Variants in PSORS1C1 observed in about 807,000 individuals in gnomAD.
PSORS1C1 encodes the protein psoriasis susceptibility 1 candidate 1, also known as psoriasis susceptibility 1 candidate gene 1 protein.
In PSORS1C1, 7 loss-of-function variants were observed where a neutral mutation model predicts 9.4. The ratio of observed to expected loss-of-function variants is 0.75; its 90% confidence interval spans 0.42 to 1.40. PSORS1C1 has a LOEUF of 1.40. PSORS1C1 is among the 40% of genes most tolerant of loss of function. PSORS1C1 has a pLI of 0.01. For missense variants in PSORS1C1, 146 were observed against 178.1 expected (o/e 0.82, Z 1.02); for synonymous variants, 63 against 69.4 (o/e 0.91, Z 0.46).
chr6:31,116,621 C>T (rs1772142909), intron 1 of PSORS1C1: 2 of 1,613,256 alleles, frequency 1.2e-6, no homozygotes, highest in African/African-American at 1.3e-5. Flanking sequence ...CCTGGAGAGC[C>T]TTTCACAGGG....
In PSORS1C1 at chr6:31,120,303, C is replaced by T. The variant is rs779194803; in HGVS notation, c.-228-5373C>T. 1.6e-5 allele frequency: 24 copies of T among 1,513,496 alleles called. No individual in the cohort carries two copies. In the Admixed American group the frequency reaches 2.3e-4, roughly 15 times the overall value. 93.8% of individuals were successfully genotyped at this position (1,513,496 alleles called of 1,614,324 possible). On this transcript the variant is annotated intron_variant, in intron 1 of 5. Coordinates refer to ENST00000259881, the MANE Select transcript of PSORS1C1 (RefSeq NM_014068.3). The stretch of plus-strand genomic sequence containing the variant: ...CTCTCCCGGAGTCTCCCTCCCGCCT[C>T]CCTCCTGTTCCCAGGGCCCCCAGCC...
Position 31,116,532 on chromosome 6 carries a change from C to T in PSORS1C1, c.-229+1641C>T, listed in dbSNP as rs148976838. 8.7e-6 allele frequency: 14 copies of T among 1,613,472 alleles called. No homozygotes were observed. Among genetic ancestry groups the T allele is most frequent in the African/African-American group, 8.0e-5 (6 of 74,906 alleles). ...GGAATGCAATGGCCGAGGAAGCTGCCGACTGGCTGGGGATGATGGGGTTGC... is the reference window on the plus strand; with the variant it reads ...GGAATGCAATGGCCGAGGAAGCTGCTGACTGGCTGGGGATGATGGGGTTGC... On this transcript the variant is annotated intron_variant, in intron 1 of 5. Transcript: ENST00000259881.
chr6:31,123,281 T>C (rs2150964204), intron 1 of PSORS1C1, among the ~76,000 whole-genome samples: 1 of 152,356 alleles, frequency 6.6e-6, no homozygotes, highest in East Asian at 1.9e-4. Context: ...TGTGGGCCCT[T>C]GAGCTCTAAT....
At chr6:31,124,721 G>A (rs1008085246) in intron 1 of PSORS1C1, among the ~76,000 whole-genome samples, 1 of 152,216 alleles carries the variant, frequency 6.6e-6, no homozygotes, top group Non-Finnish European at 1.5e-5. Context: ...TGTAATCCCA[G>A]CACTCTGGGA....
intron 3 of PSORS1C1, chr6:31,138,000 C>T: frequency 6.6e-7 from 1 of 1,516,250 alleles, no homozygotes; most frequent in Non-Finnish European, 8.8e-7. Flanking sequence ...CTCCTGAGGT[C>T]GGTTGTCCAC....
rs143941235 is a variant in PSORS1C1, at chr6:31,122,973, C to G, written c.-228-2703C>G. Among the ~76,000 whole-genome samples, 1,102 of 152,214 alleles carry G rather than the reference C, an allele frequency of 7.2e-3. 14 individuals are homozygous for G. The highest frequency in any genetic ancestry group is 0.023 in the African/African-American group (955 of 41,512). On this transcript the variant is annotated intron_variant, in intron 1 of 5. Coordinates refer to ENST00000259881, the MANE Select transcript of PSORS1C1 (RefSeq NM_014068.3). ...CCCAGGGTGTGAGGGGAGAAGGCAG[C>G]GGAACAGTGGAATCTGTGGCTTCTT...
chr6:31,138,745 C>G lies in PSORS1C1; in HGVS notation c.133C>G (p.Arg45Gly), dbSNP rs771195202. ...TCGTCCCCCCCACGTTAATCCTGAC[C>G]GACTTTGCCACATGGAGCCAGCAAA... is the stretch of plus-strand genomic sequence containing the variant. ...ETRPPHVNPDRLCHMEPANHF... is the reference protein window; with the variant it reads ...ETRPPHVNPDGLCHMEPANHF... Residue 45 changes from arginine to glycine, a missense_variant, in exon 5 of 6, where the codon CGA (arginine) becomes GGA (glycine). By Grantham distance (125) the Arg-to-Gly change is moderately radical. Transcript: ENST00000259881. The G allele has an allele frequency of 3.1e-6, 5 of 1,613,976 alleles. No individual in the cohort carries two copies. Among genetic ancestry groups the G allele is most frequent in the Non-Finnish European group, 4.2e-6 (5 of 1,180,020 alleles).
intron 1 of PSORS1C1, among the ~76,000 whole-genome samples, chr6:31,123,800 G>A (rs1171668439): frequency 2.0e-5 from 3 of 152,266 alleles, no homozygotes; most frequent in African/African-American, 7.2e-5. Flanking sequence ...GTTGCACTGA[G>A]AAAGAAGAGA....
chr6:31,137,976 T>G (rs1159869346), intron 3 of PSORS1C1: 2 of 1,504,004 alleles, frequency 1.3e-6, no homozygotes, highest in East Asian at 2.3e-5. Context: ...CCGGGGTGGG[T>G]CTAGGTCTGG....
rs113116521 is a variant in PSORS1C1, at chr6:31,134,256, C to T, written c.14-4174C>T. Reference sequence around the variant, plus strand: ...TCAGCCTCCCAAAGTGCTAGGATTACAGGTGTGAGCCACCACGCCTGATCT... The same window carrying T: ...TCAGCCTCCCAAAGTGCTAGGATTATAGGTGTGAGCCACCACGCCTGATCT... On this transcript the variant is annotated intron_variant, in intron 3 of 5. Coordinates refer to ENST00000259881, the MANE Select transcript of PSORS1C1 (RefSeq NM_014068.3). 2.3e-3 allele frequency among the ~76,000 whole-genome samples: 352 copies of T among 152,092 alleles called. 2 individuals are homozygous for T. Among genetic ancestry groups the T allele is most frequent in the East Asian group, 7.9e-3 (41 of 5,162 alleles).
At chr6:31,135,816 C>CA (rs1438159935) in intron 3 of PSORS1C1, among the ~76,000 whole-genome samples, 1 of 152,092 alleles carries the variant, frequency 6.6e-6, no homozygotes, top group Non-Finnish European at 1.5e-5. Flanking sequence ...ATGGGCCGAT[C>CA]ACTTGAGCTC....
At chr6:31,116,996 T>A (rs147258307) in intron 1 of PSORS1C1, 1 of 1,614,086 alleles carries the variant, frequency 6.2e-7, no homozygotes, top group African/African-American at 1.3e-5. Flanking sequence ...CTTTGGCCAC[T>A]GCTGGATACC....
chr6:31,135,551 GCT>G (rs1773103864), intron 3 of PSORS1C1, among the ~76,000 whole-genome samples: 1 of 152,118 alleles, frequency 6.6e-6, no homozygotes, highest in Non-Finnish European at 1.5e-5. Flanking sequence ...AATTTGTTGT[GCT>G]CAGTCTGTCG....
At chr6:31,114,937 G>C (rs1358720326) in intron 1 of PSORS1C1, 46 bp downstream of exon 1, 1 of 449,924 alleles carries the variant, frequency 2.2e-6, no homozygotes, top group South Asian at 1.6e-5. Flanking sequence ...GGTGGGGAGG[G>C]GAGGGGAGGG....
chr6:31,139,771 G>A lies in PSORS1C1; in HGVS notation c.298G>A (p.Val100Ile). 1 of 1,613,102 alleles carries A rather than the reference G, an allele frequency of 6.2e-7. No homozygotes were observed. Among genetic ancestry groups the A allele is most frequent in the South Asian group, 1.1e-5 (1 of 91,088 alleles). ...PSSHPELFAS[V>I]LPMAPEEAAR... ...TTCCCACCCAGAGCTGTTTGCATCA[G>A]TCCTGCCAATGGCTCCGGAAGAAGC... Residue 100 changes from valine to isoleucine, a missense_variant, in exon 6 of 6, where the codon GTC (valine) becomes ATC (isoleucine). Coordinates refer to ENST00000259881, the MANE Select transcript of PSORS1C1 (RefSeq NM_014068.3). The surrounding 1 kb of genome is among the most constrained non-coding windows in gnomAD (Gnocchi z 5.2).
intron 1 of PSORS1C1, chr6:31,120,484 T>G: frequency 7.4e-7 from 1 of 1,347,638 alleles, no homozygotes; most frequent in Non-Finnish European, 1.0e-6. Flanking sequence ...ATGCCAGAGC[T>G]GGACATTCCC....
intron 1 of PSORS1C1, chr6:31,116,497 C>T: frequency 1.6e-5 from 25 of 1,609,884 alleles, no homozygotes; most frequent in Non-Finnish European, 2.1e-5. Context: ...CCCACCAGTC[C>T]CCACTGGCTG....
At chr6:31,138,552 C>A in intron 4 of PSORS1C1, 93 bp downstream of exon 4, 1 of 1,607,036 alleles carries the variant, frequency 6.2e-7, no homozygotes, top group Non-Finnish European at 8.5e-7. Context: ...TTAAACTGAC[C>A]AGACTTCTCC....
chr6:31,123,914 GC>G (rs1772568283), intron 1 of PSORS1C1, among the ~76,000 whole-genome samples: 1 of 152,196 alleles, frequency 6.6e-6, no homozygotes, highest in South Asian at 2.1e-4. Flanking sequence ...CAGGGAGGTG[GC>G]AGGACTTTCC....
Sources: gnomAD v4.1 joint callset for allele counts (sites outside exome capture counted in the v4.1 genomes callset) on GRCh38, gnomAD v4.1.1 for gene constraint, Gnocchi (gnomAD v3.1) non-coding constraint, MANE v1.5 for transcripts, NCBI Gene and HGNC (gene_info 2026-07-23, HGNC 2026-07-21) for gene names.